Variants in EHBP1 observed in about 807,000 individuals in gnomAD.
The protein encoded by EHBP1 is EH domain-binding protein 1.
A neutral mutation model predicts 144.0 loss-of-function variants in EHBP1; 55 were observed. That is an observed-to-expected ratio of 0.38 (90% CI 0.31 to 0.48). The LOEUF (loss-of-function observed/expected upper bound fraction) is 0.48, where lower values mean the gene tolerates loss of function less well. EHBP1 is among the 20% of genes least tolerant of loss of function. The pLI is 0.98. For synonymous variants in EHBP1, 469 were observed against 472.7 expected (o/e 0.99, Z 0.10); for missense variants, 1,200 against 1,364.2 (o/e 0.88, Z 1.90).
At chr2:62,935,349 A>T (rs1291607944) in intron 10 of EHBP1, among the ~76,000 whole-genome samples, 4 of 143,270 alleles carry the variant, frequency 2.8e-5, no homozygotes, top group African/African-American at 1.0e-4. Flanking sequence ...AAAAAAATAT[A>T]TATATATATA....
intron 7 of EHBP1, among the ~76,000 whole-genome samples, chr2:62,831,599 G>A (rs2046827381): frequency 6.6e-6 from 1 of 152,074 alleles, no homozygotes; most frequent in Non-Finnish European, 1.5e-5. Context: ...ATGTATCCTG[G>A]TATTGAAGCT....
chr2:62,893,347 C>A (rs1006006342), intron 10 of EHBP1, among the ~76,000 whole-genome samples: 2 of 151,764 alleles, frequency 1.3e-5, no homozygotes, highest in East Asian at 1.9e-4. Context: ...TTTTTTTAAA[C>A]GGTGTGAGAT....
chr2:62,825,996 A>T, intron 5 of EHBP1, 91 bp from the exon 6 acceptor site: 1 of 933,122 alleles, frequency 1.1e-6, no homozygotes, highest in Admixed American at 3.6e-5. Flanking sequence ...GTTTTCAATT[A>T]TTATTTGATT....
chr2:62,731,595 G>A (rs1006922381), intron 2 of EHBP1, among the ~76,000 whole-genome samples: 1 of 152,098 alleles, frequency 6.6e-6, no homozygotes, highest in African/African-American at 2.4e-5. Context: ...CTAGTTGTCT[G>A]AGAGTTTTTA....
chr2:62,686,805 TAAC>T (rs1465245707), intron 1 of EHBP1, among the ~76,000 whole-genome samples: 1 of 152,258 alleles, frequency 6.6e-6, no homozygotes, highest in Non-Finnish European at 1.5e-5. Flanking sequence ...CCAGCTGTAT[TAAC>T]AGTGCAGTGC....
At chr2:62,910,127 G>T (rs1325304002) in intron 10 of EHBP1, among the ~76,000 whole-genome samples, 1 of 152,138 alleles carries the variant, frequency 6.6e-6, no homozygotes, top group African/African-American at 2.4e-5. Context: ...GCATATTTGG[G>T]AAGTACTAAT....
At position 62,955,405 on chromosome 2, in the gene EHBP1, A is replaced by T. The variant is rs1198846851; in HGVS notation, c.2317-112A>T. The stretch of plus-strand genomic sequence containing the variant: ...CTATAGGTAATCTCATGAAGCTACA[A>T]TCTTATTCATAATCTCTATTATTTC... On this transcript the variant is annotated intron_variant, in intron 13 of 22. Coordinates refer to ENST00000431489, the MANE Select transcript of EHBP1 (RefSeq NM_001142616.3). 2.1e-5 allele frequency: 22 copies of T among 1,035,318 alleles called. No individual in the cohort carries two copies. In the East Asian group the frequency reaches 5.5e-4, roughly 26 times the overall value. The allele number at this position is 1,035,318 out of a possible 1,614,324, so 64.1% of individuals were successfully genotyped here.
chr2:62,818,339 C>T (rs1392552779), intron 5 of EHBP1, among the ~76,000 whole-genome samples: 1 of 151,926 alleles, frequency 6.6e-6, no homozygotes, highest in Admixed American at 6.6e-5. Flanking sequence ...TGTATTTTTA[C>T]TGCACCTTTT....
intron 8 of EHBP1, among the ~76,000 whole-genome samples, chr2:62,862,630 A>C (rs184329021): frequency 6.6e-6 from 1 of 152,148 alleles, no homozygotes; most frequent in African/African-American, 2.4e-5. Flanking sequence ...AAAAAATAAA[A>C]GTAATTAATA....
In EHBP1 at chr2:62,705,795, T is replaced by A. The variant is rs1231732833; in HGVS notation, c.-553T>A. 9.8e-6 allele frequency: 1 copy of A among 102,052 alleles called. No individual in the cohort carries two copies. The highest frequency in any genetic ancestry group is 1.9e-5 in the Non-Finnish European group (1 of 52,104). The allele number at this position is 102,052 out of a possible 1,614,324, so 6.3% of individuals were successfully genotyped here. ...GGAGGGGGTGCTGGGCGCTGAGCGG[T>A]GGCTCTGGCAGGGCTTGGTAGGGTG... On this transcript the variant is annotated 5_prime_UTR_variant, in exon 1 of 23. Transcript: ENST00000431489.
chr2:62,882,753 A>C (rs1208478509), intron 10 of EHBP1, among the ~76,000 whole-genome samples: 1 of 152,114 alleles, frequency 6.6e-6, no homozygotes, highest in Non-Finnish European at 1.5e-5. Context: ...GTGGTGGCGC[A>C]TGCCTGTAAT....
chr2:63,045,412 C>T lies in EHBP1; in HGVS notation c.3395C>T (p.Ala1132Val). The change falls in exon 23 of 23, where the codon GCC becomes GTC. Residue 1132 changes from alanine (A) to valine (V), a missense_variant and splice_region_variant. Around this residue, in one of 6 missense-constraint regions of EHBP1, gnomAD observed 149 missense variants for 217.0 expected, o/e 0.69. Transcript: ENST00000431489. This position sits in a 1 kb window ranked among gnomAD's most constrained non-coding sequence, Gnocchi z 5.7. ...TGTCCTGTTTGTCTGACATCCAGGG[C>T]CGAAGAAGAAGATGAGCATTTGGAG... is the stretch of plus-strand genomic sequence containing the variant. ...VRDLDAQEKQ[A>V]EEEDEHLERT... 1.2e-6 allele frequency: 2 copies of T among 1,613,994 alleles called. No homozygotes were observed. Among genetic ancestry groups the T allele is most frequent in the Non-Finnish European group, 1.7e-6 (2 of 1,179,904 alleles).
intron 2 of EHBP1, among the ~76,000 whole-genome samples, chr2:62,739,008 A>G (rs1249255745): frequency 6.6e-6 from 1 of 152,238 alleles, no homozygotes; most frequent in Non-Finnish European, 1.5e-5. Flanking sequence ...AGCTCTATGC[A>G]TACACATGGA....
chr2:62,719,169 G>T (rs1180856752), intron 2 of EHBP1, among the ~76,000 whole-genome samples: 1 of 151,950 alleles, frequency 6.6e-6, no homozygotes, highest in Non-Finnish European at 1.5e-5. Flanking sequence ...GTTTTGCCAT[G>T]TTGCCCAGGC....
intron 10 of EHBP1, among the ~76,000 whole-genome samples, chr2:62,898,274 C>A (rs2053105488): frequency 6.6e-6 from 1 of 152,122 alleles, no homozygotes; most frequent in South Asian, 2.1e-4. Context: ...CAGTAAGATA[C>A]TGCATAAAAT....
intron 5 of EHBP1, among the ~76,000 whole-genome samples, chr2:62,818,571 G>T (rs1346200820): frequency 2.0e-5 from 3 of 152,052 alleles, no homozygotes; most frequent in African/African-American, 7.2e-5. Context: ...GTCATTAAAG[G>T]ATGCATGACT....
chr2:62,741,228 G>A (rs1249259809), intron 2 of EHBP1, among the ~76,000 whole-genome samples: 1 of 152,130 alleles, frequency 6.6e-6, no homozygotes, highest in Admixed American at 6.6e-5. Context: ...ATGTTCTAGA[G>A]GTGAGAAGTA....
At chr2:62,851,993 A>G (rs986830101) in intron 7 of EHBP1, among the ~76,000 whole-genome samples, 20 of 152,326 alleles carry the variant, frequency 1.3e-4, no homozygotes, top group Non-Finnish European at 2.2e-4. Flanking sequence ...AAAATAATTC[A>G]GTCATGTAAT....
intron 10 of EHBP1, among the ~76,000 whole-genome samples, chr2:62,936,417 C>T (rs1293468622): frequency 6.6e-6 from 1 of 152,118 alleles, no homozygotes; most frequent in East Asian, 1.9e-4. Context: ...GCAATTTTGG[C>T]TTTGCTGATC....
Sources: allele counts gnomAD v4.1 joint callset (sites outside exome capture counted in the v4.1 genomes callset), GRCh38; gene constraint gnomAD v4.1.1; regional missense constraint gnomAD v4.1.1; non-coding constraint Gnocchi (gnomAD v3.1); transcripts MANE v1.5; gene names NCBI Gene and HGNC (gene_info 2026-07-23, HGNC 2026-07-21).